Variants in ADAMTSL1 observed in about 807,000 individuals in gnomAD.
The protein encoded by ADAMTSL1 is ADAMTS-like protein 1.
Under a neutral mutation model 201.8 loss-of-function variants are expected in ADAMTSL1, and 126 were observed. The ratio of observed to expected loss-of-function variants is 0.62; its 90% CI spans 0.54 to 0.72. The LOEUF is 0.72. ADAMTSL1 is among the 30% of genes least tolerant of loss of function. The probability of loss-of-function intolerance (pLI) is 0.00; values close to 1 mark genes in which losing one functional copy is unlikely to be tolerated. For synonymous variants in ADAMTSL1, 1,121 were observed against 903.4 expected, an observed-to-expected ratio of 1.24 and a Z score of -4.32; for missense variants, 2,679 against 2,277.8, an observed-to-expected ratio of 1.18 and a Z score of -3.59.
chr9:18,554,344 C>T (rs1820978858), intron 3 of ADAMTSL1, among the ~76,000 whole-genome samples: 1 of 151,662 alleles, frequency 6.6e-6, no homozygotes, highest in Admixed American at 6.6e-5. Flanking sequence ...TTCACGTTGC[C>T]TTGTTTCCTC....
chr9:18,043,891 A>G (rs374127285), intron 1 of ADAMTSL1, among the ~76,000 whole-genome samples: 1 of 150,764 alleles, frequency 6.6e-6, no homozygotes. Context: ...CCTGATGACT[A>G]TCCTCTTTCT....
chr9:18,407,964 T>C (rs923412813), intron 2 of ADAMTSL1, among the ~76,000 whole-genome samples: 1 of 152,318 alleles, frequency 6.6e-6, no homozygotes, highest in South Asian at 2.1e-4. Context: ...TAAAAAAGAC[T>C]GTAACATTTT....
intron 2 of ADAMTSL1, among the ~76,000 whole-genome samples, chr9:18,263,190 A>G (rs895221660): frequency 2.6e-5 from 4 of 152,188 alleles, no homozygotes; most frequent in Admixed American, 2.0e-4. Flanking sequence ...ACCACATGAT[A>G]GCACATTTTG....
At chr9:18,407,622 C>T (rs1489973814) in intron 2 of ADAMTSL1, among the ~76,000 whole-genome samples, 2 of 152,072 alleles carry the variant, frequency 1.3e-5, no homozygotes, top group Non-Finnish European at 2.9e-5. Context: ...GTTTCAAATA[C>T]AGCTGAGAGA....
At chr9:18,728,385 T>G (rs1466131562) in intron 15 of ADAMTSL1, among the ~76,000 whole-genome samples, 3 of 152,118 alleles carry the variant, frequency 2.0e-5, no homozygotes, top group Non-Finnish European at 2.9e-5. Flanking sequence ...GGAAATGTCT[T>G]TATATAGACC....
At chr9:18,199,561 T>C (rs1829344010) in intron 2 of ADAMTSL1, among the ~76,000 whole-genome samples, 1 of 152,246 alleles carries the variant, frequency 6.6e-6, no homozygotes, top group South Asian at 2.1e-4. Flanking sequence ...AGTTTTATCA[T>C]TTTCAACTTA....
chr9:18,665,694 T>C (rs549381672), intron 9 of ADAMTSL1, among the ~76,000 whole-genome samples: 2 of 152,224 alleles, frequency 1.3e-5, no homozygotes, highest in Admixed American at 6.5e-5. Flanking sequence ...CCATCTCATT[T>C]TTTGTTCCTC....
chr9:18,449,388 T>C (rs536674845), intron 2 of ADAMTSL1, among the ~76,000 whole-genome samples: 77 of 152,080 alleles, frequency 5.1e-4, no homozygotes, highest in Non-Finnish European at 8.1e-4. Flanking sequence ...TTTGCCTTCT[T>C]TCTTTCTGGA....
chr9:18,080,855 A>G (rs1450530472), intron 1 of ADAMTSL1, among the ~76,000 whole-genome samples: 1 of 152,228 alleles, frequency 6.6e-6, no homozygotes, highest in Non-Finnish European at 1.5e-5. Flanking sequence ...ATTTAGACTC[A>G]TAAAACTTAT....
rs554287801 is a variant in ADAMTSL1, at chr9:18,557,571, A to T, written c.238-16459A>T. 9.2e-5 allele frequency among the ~76,000 whole-genome samples: 14 copies of T among 152,142 alleles called. No homozygotes were observed. The South Asian group carries it at 2.9e-3, about 32-fold the overall frequency. ...CATTGATTAGATATATTGCCAGGAA[A>T]TACACCATGTTGTCAGGATTCACTG... On this transcript the variant is annotated intron_variant, in intron 3 of 28. Coordinates refer to ENST00000380548, the MANE Select transcript of ADAMTSL1 (RefSeq NM_001040272.6).
At chr9:18,287,343 A>G (rs150104465) in intron 2 of ADAMTSL1, among the ~76,000 whole-genome samples, 2,169 of 151,814 alleles carry the variant, frequency 0.014, 29 homozygotes, top group Non-Finnish European at 0.023. Context: ...ACGTGTGTGT[A>G]TATATACACA....
chr9:18,675,366 C>A (rs1460617981), intron 9 of ADAMTSL1, among the ~76,000 whole-genome samples: 2 of 152,128 alleles, frequency 1.3e-5, no homozygotes, highest in African/African-American at 4.8e-5. Flanking sequence ...GAGAAGAAAC[C>A]TAGCTAATGC....
intron 1 of ADAMTSL1, among the ~76,000 whole-genome samples, chr9:17,912,991 G>C (rs1432845610): frequency 6.6e-6 from 1 of 152,132 alleles, no homozygotes; most frequent in Non-Finnish European, 1.5e-5. Context: ...AGTTCAGATA[G>C]TTGTAGATAT....
chr9:18,638,096 G>A (rs761424090), intron 6 of ADAMTSL1, among the ~76,000 whole-genome samples: 3 of 151,860 alleles, frequency 2.0e-5, no homozygotes, highest in African/African-American at 7.3e-5. Flanking sequence ...TGTATTTTTC[G>A]GTGGGATCCC....
At chr9:18,142,673 G>A (rs1373644609) in intron 1 of ADAMTSL1, among the ~76,000 whole-genome samples, 1 of 152,154 alleles carries the variant, frequency 6.6e-6, no homozygotes, top group African/African-American at 2.4e-5. Flanking sequence ...GAGAATCTAT[G>A]CATTTATCTA....
chr9:18,858,716 T>C (rs1392227563), intron 23 of ADAMTSL1, among the ~76,000 whole-genome samples: 1 of 152,174 alleles, frequency 6.6e-6, no homozygotes, highest in African/African-American at 2.4e-5. Flanking sequence ...CGTCAAATCT[T>C]ACCTATCTGC....
chr9:18,158,299 G>A (rs781341915), intron 1 of ADAMTSL1, among the ~76,000 whole-genome samples: 1 of 151,860 alleles, frequency 6.6e-6, no homozygotes, highest in Non-Finnish European at 1.5e-5. Context: ...CTCCTCCTAC[G>A]TTGTAATGAG....
intron 2 of ADAMTSL1, among the ~76,000 whole-genome samples, chr9:18,375,364 T>C (rs989854223): frequency 1.3e-5 from 2 of 152,196 alleles, no homozygotes; most frequent in South Asian, 2.1e-4. Flanking sequence ...TATATTATAC[T>C]TTAAGTTCTA....
At chr9:18,561,687 C>G (rs931430465) in intron 3 of ADAMTSL1, among the ~76,000 whole-genome samples, 1 of 152,042 alleles carries the variant, frequency 6.6e-6, no homozygotes, top group Non-Finnish European at 1.5e-5. Context: ...TCTCTAAGAA[C>G]TTTATGAATC....
Sources: gnomAD v4.1 joint callset for allele counts (sites outside exome capture counted in the v4.1 genomes callset) on GRCh38, gnomAD v4.1.1 for gene constraint, MANE v1.5 for transcripts, NCBI Gene and HGNC (gene_info 2026-07-23, HGNC 2026-07-21) for gene names.